FSTL5: variants seen among roughly 807,000 people sequenced by gnomAD.
FSTL5 encodes the protein follistatin-related protein 5.
Under a neutral mutation model 89.1 loss-of-function variants are expected in FSTL5, and 62 were observed. That is an observed-to-expected ratio of 0.70 (90% confidence interval 0.57 to 0.86). The LOEUF (loss-of-function observed/expected upper bound fraction) is 0.86. Among genes scored for constraint, FSTL5 ranks in the 40% least tolerant of loss-of-function variants. FSTL5 has a pLI of 0.00. For synonymous variants in FSTL5, 383 were observed against 346.2 expected (o/e 1.11, Z -1.18); for missense variants, 1,057 against 1,001.6 (o/e 1.06, Z -0.75).
chr4:161,753,074 G>A (rs1434728496), intron 6 of FSTL5, among the ~76,000 whole-genome samples: 1 of 152,102 alleles, frequency 6.6e-6, no homozygotes, highest in Non-Finnish European at 1.5e-5. Context: ...CGGTTCTGAA[G>A]TCCTCCACTT....
intron 4 of FSTL5, among the ~76,000 whole-genome samples, chr4:161,901,432 G>C (rs139161348): frequency 5.9e-5 from 9 of 152,120 alleles, no homozygotes; most frequent in African/African-American, 2.2e-4. Context: ...TGAGCAGAGA[G>C]GGGGAGTGAT....
chr4:161,945,034 A>C (rs1734697540), intron 3 of FSTL5, among the ~76,000 whole-genome samples: 1 of 152,160 alleles, frequency 6.6e-6, no homozygotes. Flanking sequence ...GAAGATTCAT[A>C]CAGTAAGTGT....
In FSTL5 at chr4:161,986,277, C is replaced by T. The variant is rs527762750; in HGVS notation, c.160+47348G>A. ...TAAAAAATAAAATATAGGCCAGGCA[C>T]GGTGGCTCACGCCTGTAATCCCAGC... is the stretch of plus-strand genomic sequence containing the variant. On this transcript the variant is annotated intron_variant, in intron 3 of 15. Coordinates refer to ENST00000306100, the MANE Select transcript of FSTL5 (RefSeq NM_020116.5). 4.6e-5 allele frequency among the ~76,000 whole-genome samples: 7 copies of T among 152,224 alleles called. No individual in the cohort carries two copies. The East Asian group carries it at 9.7e-4, about 21-fold the overall frequency.
At chr4:161,840,367 A>G (rs1299181720) in intron 4 of FSTL5, among the ~76,000 whole-genome samples, 1 of 152,230 alleles carries the variant, frequency 6.6e-6, no homozygotes, top group Non-Finnish European at 1.5e-5. Context: ...AATTTAGAAG[A>G]AATTGGATTC....
intron 9 of FSTL5, among the ~76,000 whole-genome samples, chr4:161,539,194 T>A (rs760845438): frequency 6.6e-6 from 1 of 151,722 alleles, no homozygotes; most frequent in Admixed American, 6.6e-5. Context: ...GTGGGTACTG[T>A]GTGTGTGTTT....
intron 15 of FSTL5, among the ~76,000 whole-genome samples, chr4:161,433,226 C>CATG (rs1732442759): frequency 6.6e-6 from 1 of 151,708 alleles, no homozygotes; most frequent in Admixed American, 6.6e-5. Context: ...AGTTATTCAA[C>CATG]ATGACCAAGT....
chr4:161,625,854 G>A (rs1031618588), intron 7 of FSTL5, among the ~76,000 whole-genome samples: 1 of 152,112 alleles, frequency 6.6e-6, no homozygotes, highest in Non-Finnish European at 1.5e-5. Context: ...GTTTATTGAT[G>A]ATATAGAGAA....
At chr4:161,461,240 A>G (rs1733561374) in intron 13 of FSTL5, among the ~76,000 whole-genome samples, 1 of 145,798 alleles carries the variant, frequency 6.9e-6, no homozygotes, top group East Asian at 2.1e-4. Flanking sequence ...GCGGATCAGG[A>G]GGTCAGGAGA....
intron 7 of FSTL5, among the ~76,000 whole-genome samples, chr4:161,647,721 G>C (rs1388100530): frequency 2.0e-5 from 3 of 152,164 alleles, no homozygotes; most frequent in East Asian, 1.9e-4. Flanking sequence ...ATGCGGAAAG[G>C]GGGAAGGGAA....
At chr4:162,127,027 C>T (rs1732109464) in intron 1 of FSTL5, among the ~76,000 whole-genome samples, 1 of 152,158 alleles carries the variant, frequency 6.6e-6, no homozygotes, top group African/African-American at 2.4e-5. Context: ...TCTCTCAACA[C>T]ACAGCTTTAT....
intron 15 of FSTL5, among the ~76,000 whole-genome samples, chr4:161,389,933 G>C (rs948147682): frequency 6.6e-6 from 1 of 151,754 alleles, no homozygotes; most frequent in African/African-American, 2.4e-5. Flanking sequence ...TTCTTACAAC[G>C]TTAAAAATAA....
intron 5 of FSTL5, among the ~76,000 whole-genome samples, chr4:161,762,775 G>C (rs994137325): frequency 2.6e-5 from 4 of 152,048 alleles, no homozygotes; most frequent in African/African-American, 9.7e-5. Flanking sequence ...AAGGAGTCTG[G>C]TAGCCTTAAG....
chr4:161,489,582 C>A (rs1473886342), intron 12 of FSTL5, among the ~76,000 whole-genome samples: 1 of 152,084 alleles, frequency 6.6e-6, no homozygotes, highest in South Asian at 2.1e-4. Flanking sequence ...TTAAACTTTC[C>A]TCAGTTTTGA....
intron 3 of FSTL5, among the ~76,000 whole-genome samples, chr4:161,941,814 T>C (rs1344539169): frequency 2.0e-5 from 3 of 151,800 alleles, no homozygotes; most frequent in African/African-American, 7.2e-5. Flanking sequence ...AAGAAAAACT[T>C]CACCTCAAAC....
intron 7 of FSTL5, among the ~76,000 whole-genome samples, chr4:161,611,192 A>G (rs1734627609): frequency 7.1e-6 from 1 of 141,282 alleles, no homozygotes; most frequent in Admixed American, 7.1e-5. Flanking sequence ...ATATATGTGT[A>G]TATGTGTATA....
At chr4:161,853,156 T>A (rs2126882766) in intron 4 of FSTL5, among the ~76,000 whole-genome samples, 1 of 152,360 alleles carries the variant, frequency 6.6e-6, no homozygotes, top group South Asian at 2.1e-4. Context: ...AGCTTATCTG[T>A]TTTCTAAAAA....
chr4:161,695,265 T>A (rs1033146670), intron 6 of FSTL5, among the ~76,000 whole-genome samples: 1 of 152,112 alleles, frequency 6.6e-6, no homozygotes, highest in African/African-American at 2.4e-5. Context: ...TGCCTTTGCA[T>A]CCTCATAGCT....
At chr4:161,603,661 G>A (rs1162583561) in intron 7 of FSTL5, among the ~76,000 whole-genome samples, 2 of 152,140 alleles carry the variant, frequency 1.3e-5, no homozygotes, top group African/African-American at 4.8e-5. Context: ...ATATTTTTCA[G>A]TGTAGGGAAG....
At chr4:161,713,562 A>G (rs1738871855) in intron 6 of FSTL5, among the ~76,000 whole-genome samples, 1 of 152,168 alleles carries the variant, frequency 6.6e-6, no homozygotes, top group African/African-American at 2.4e-5. Context: ...CAGCGTGCAA[A>G]AACAGTACAT....
Sources: gnomAD v4.1 joint callset for allele counts (sites outside exome capture counted in the v4.1 genomes callset) on GRCh38, gnomAD v4.1.1 for gene constraint, MANE v1.5 for transcripts, NCBI Gene and HGNC (gene_info 2026-07-23, HGNC 2026-07-21) for gene names.